The following PDK2 variants were observed in gnomAD, a reference collection of about 807,000 sequenced individuals.
PDK2 encodes pyruvate dehydrogenase kinase, isozyme 2.
Under a neutral mutation model 50.4 loss-of-function variants are expected in PDK2, and 34 were observed. The ratio of observed to expected loss-of-function variants is 0.68; its 90% CI spans 0.51 to 0.90. The LOEUF (loss-of-function observed/expected upper bound fraction) is 0.90. Ranked by LOEUF, PDK2 falls within the 40% of genes least tolerant of loss-of-function variation. The pLI is 0.00. For missense variants in PDK2, 377 were observed against 544.5 expected, an observed-to-expected ratio of 0.69 and a Z score of 3.06; for synonymous variants, 232 against 216.0, an observed-to-expected ratio of 1.07 and a Z score of -0.65.
intron 2 of PDK2, chr17:50,097,886 C>A: frequency 3.7e-6 from 1 of 273,354 alleles, no homozygotes. Context: ...GCCAGCAGCC[C>A]AGACCTGGAA....
At chr17:50,102,662 G>C (rs902989603) in intron 2 of PDK2, among the ~76,000 whole-genome samples, 1 of 152,230 alleles carries the variant, frequency 6.6e-6, no homozygotes, top group Non-Finnish European at 1.5e-5. Context: ...GGTGCGTTTA[G>C]GGAGCAAGGG....
chr17:50,100,371 C>A (rs1598208841), intron 2 of PDK2, among the ~76,000 whole-genome samples: 1 of 152,154 alleles, frequency 6.6e-6, no homozygotes, highest in Non-Finnish European at 1.5e-5. Flanking sequence ...CAGGTTTGGC[C>A]TCAGCATGTG....
intron 3 of PDK2, 73 bp downstream of exon 3, chr17:50,105,515 C>A: frequency 8.1e-7 from 1 of 1,237,204 alleles, no homozygotes; most frequent in Admixed American, 1.9e-5. Flanking sequence ...GCCCCTGGGG[C>A]AGAAGTACAG....
chr17:50,095,128 T>G, upstream of PDK2: 4 of 302,968 alleles, frequency 1.3e-5, no homozygotes, highest in Non-Finnish European at 1.2e-5. Flanking sequence ...AAGGGAGGAG[T>G]GAACACAGGG....
At chr17:50,095,262 T>C, upstream of PDK2, 4 of 554,462 alleles carry the variant, frequency 7.2e-6, no homozygotes. Flanking sequence ...CCCGGAGTTG[T>C]TTGTGAGTGG....
chr17:50,106,105 G>T (rs376005235), intron 4 of PDK2, 36 bp downstream of exon 4: 475 of 1,558,304 alleles, frequency 3.0e-4, no homozygotes, highest in African/African-American at 1.9e-3. Flanking sequence ...AGCGGGCGGT[G>T]GGGGGGGCGG....
intron 2 of PDK2, among the ~76,000 whole-genome samples, chr17:50,104,946 G>T (rs1239267927): frequency 2.0e-5 from 3 of 152,186 alleles, no homozygotes; most frequent in Non-Finnish European, 4.4e-5. Context: ...CCCCGGCGGG[G>T]AGAAACATTA....
Position 50,110,265 on chromosome 17 carries a change from T to A in PDK2, c.*168T>A. The A allele has an allele frequency of 1.5e-6, 1 of 648,000 alleles. No individual in the cohort carries two copies. The highest frequency in any genetic ancestry group is 3.1e-5 in the South Asian group (1 of 32,408). 40.1% of individuals were successfully genotyped at this position (648,000 alleles called of 1,614,324 possible). A position where few individuals can be genotyped will look rare whatever the true frequency, so the allele number is the denominator to read the frequency against. On this transcript the variant is annotated 3_prime_UTR_variant, in exon 11 of 11. Transcript: ENST00000503176. ...TGATAGGTCTGTGATGGTCCCTAAG[T>A]GCCAGTCCATCTCTGTGGAGACCCC...
rs1055082888 is a variant in PDK2 at position 50,111,255 on chromosome 17, C to T, written c.*1158C>T. ...CCTGGTGACAGACCTGTTGTCCCAC[C>T]ATACTCAGGGCCCAGCAGAGTCCGG... is the stretch of plus-strand genomic sequence containing the variant. On this transcript the variant is annotated 3_prime_UTR_variant, in exon 11 of 11. Transcript: ENST00000503176. 3.3e-5 allele frequency: 5 copies of T among 152,306 alleles called. No homozygotes were observed. Among genetic ancestry groups the T allele is most frequent in the East Asian group, 1.9e-4 (1 of 5,194 alleles). 9.4% of individuals were successfully genotyped at this position (152,306 alleles called of 1,614,324 possible).
chr17:50,108,441 G>T (rs1351806626), intron 8 of PDK2, 24 bp downstream of exon 8: 2 of 1,581,806 alleles, frequency 1.3e-6, no homozygotes, highest in Admixed American at 3.3e-5. Flanking sequence ...TGACCTTGGG[G>T]ACCAGGGAGC....
In PDK2 at chr17:50,108,225, T is replaced by C. The variant is rs1464522447; in HGVS notation, c.755T>C (p.Leu252Pro). The C allele has an allele frequency of 6.3e-7, 1 of 1,599,054 alleles. No homozygotes were observed. Among genetic ancestry groups the C allele is most frequent in the African/African-American group, 1.3e-5 (1 of 74,814 alleles). The change falls in exon 7 of 11, where the codon CTC becomes CCC. Residue 252 changes from leucine to proline, a missense_variant. Transcript: ENST00000503176. Reference sequence around the variant, plus strand: ...CACCTCTACCACATGCTCTTTGAGCTCTTCAAGGTGAGGAGGCTGGGAGCC... The same window carrying C: ...CACCTCTACCACATGCTCTTTGAGCCCTTCAAGGTGAGGAGGCTGGGAGCC... ...PSHLYHMLFE[L>P]FKNAMRATVE...
intron 3 of PDK2, 23 bp from the exon 4 acceptor site, chr17:50,105,862 T>G (rs1910481130): frequency 6.2e-7 from 1 of 1,609,940 alleles, no homozygotes; most frequent in East Asian, 2.2e-5. Context: ...GTGTCCCATG[T>G]GAACATCTGC....
In PDK2 at chr17:50,109,284, C is replaced by T. The variant is rs1361466505; in HGVS notation, c.970-3C>T. 2 of 1,606,042 alleles carry T rather than the reference C, an allele frequency of 1.2e-6. No homozygotes were observed. The highest frequency in any genetic ancestry group is 1.7e-6 in the Non-Finnish European group (2 of 1,173,776). ...TCCTCACTGCCTTCCTGCCCCGCTG[C>T]AGGCTGGCTTTGGTTATGGGCTCCC... On this transcript the variant is annotated splice_polypyrimidine_tract_variant and splice_region_variant and intron_variant, in intron 9 of 10. Transcript: ENST00000503176. The surrounding 1 kb of genome is among the most constrained non-coding windows in gnomAD (Gnocchi z 5.0).
intron 2 of PDK2, among the ~76,000 whole-genome samples, chr17:50,104,705 C>T (rs796868020): frequency 6.6e-6 from 1 of 152,230 alleles, no homozygotes; most frequent in South Asian, 2.1e-4. Context: ...CTTCTCTGGA[C>T]TCTCCATGGG....
intron 2 of PDK2, among the ~76,000 whole-genome samples, chr17:50,104,026 G>A (rs847698): frequency 0.14 from 20,827 of 152,152 alleles, 1,948 homozygotes; most frequent in East Asian, 0.36. Context: ...GGCACTGCAG[G>A]GCTCTAGGTA....
Position 50,106,191 on chromosome 17 carries a change from G to A in PDK2, c.517+122G>A, listed in dbSNP as rs1047957436. 4 of 1,506,604 alleles carry A rather than the reference G, an allele frequency of 2.7e-6. No homozygotes were observed. The East Asian group carries it at 7.5e-5, about 28-fold the overall frequency. 93.3% of individuals were successfully genotyped at this position (1,506,604 alleles called of 1,614,324 possible). ...ACCCCACAAAGGGAGTCTTTGAATA[G>A]TTACTCCAGTAACTATGGAGTTAAT... On this transcript the variant is annotated intron_variant, in intron 4 of 10. Coordinates refer to ENST00000503176, the MANE Select transcript of PDK2 (RefSeq NM_002611.5).
rs1335197423 is a variant in PDK2, at chr17:50,110,049, T to C, written c.1176T>C (p.Cys392=). Residue 392 remains cysteine (C), a synonymous_variant, in exon 11 of 11, where the codon TGT becomes TGC. Coordinates refer to ENST00000503176, the MANE Select transcript of PDK2 (RefSeq NM_002611.5). ...YQTIQEAGDW[C]VPSTEPKNTS... is the part of the protein sequence containing the mutation. ...CCATCCAGGAGGCCGGCGACTGGTG[T>C]GTGCCCAGCACGGAGCCCAAGAACA... 1.9e-6 allele frequency: 3 copies of C among 1,611,132 alleles called. No individual in the cohort carries two copies. Among genetic ancestry groups the C allele is most frequent in the Non-Finnish European group, 2.5e-6 (3 of 1,178,970 alleles).
intron 8 of PDK2, 34 bp from the exon 9 acceptor site, chr17:50,108,578 G>A (rs1157662927): frequency 6.4e-7 from 1 of 1,550,458 alleles, no homozygotes; most frequent in East Asian, 2.3e-5. Context: ...AAAATGAGCT[G>A]TAAAGAATCC....
intron 1 of PDK2, 61 bp from the exon 2 acceptor site, chr17:50,097,362 G>A (rs879184805): frequency 2.0e-5 from 31 of 1,576,812 alleles, no homozygotes; most frequent in South Asian, 1.9e-4. Context: ...TGACCTGGCC[G>A]AGACATCCTT....
Sources: allele counts gnomAD v4.1 joint callset (sites outside exome capture counted in the v4.1 genomes callset), GRCh38; gene constraint gnomAD v4.1.1; non-coding constraint Gnocchi (gnomAD v3.1); transcripts MANE v1.5; gene names NCBI Gene and HGNC (gene_info 2026-07-23, HGNC 2026-07-21).